UFD1: variants seen among roughly 807,000 people sequenced by gnomAD.
UFD1 encodes the protein ubiquitin recognition factor in ER associated degradation 1.
Under a neutral mutation model 45.9 loss-of-function variants are expected in UFD1, and 13 were observed. The observed-to-expected ratio is 0.28, with a 90% CI of 0.18 to 0.45. UFD1 has a LOEUF of 0.45. UFD1 is among the 20% of genes least tolerant of loss of function. The pLI, the probability that UFD1 is intolerant of heterozygous loss-of-function variation, is 1.00. For missense variants in UFD1, 218 were observed against 389.2 expected (o/e 0.56, Z 3.70); for synonymous variants, 128 against 139.2 (o/e 0.92, Z 0.56).
intron 5 of UFD1, 167 bp from the exon 6 acceptor site, chr22:19,465,441 C>T: frequency 3.4e-6 from 2 of 594,426 alleles, no homozygotes; most frequent in South Asian, 4.1e-5. Flanking sequence ...AAGGATGGAA[C>T]TCCTAATATG....
chr22:19,476,875 T>C (rs1280765733), intron 1 of UFD1, among the ~76,000 whole-genome samples: 1 of 151,382 alleles, frequency 6.6e-6, no homozygotes, highest in Non-Finnish European at 1.5e-5. Flanking sequence ...GGCGTGGTGG[T>C]ACACGCCTGT....
chr22:19,469,979 C>A (rs765065945), intron 4 of UFD1: 2 of 518,420 alleles, frequency 3.9e-6, no homozygotes, highest in South Asian at 2.8e-5. Context: ...CCCAGCATCA[C>A]CACCTCCTCT....
rs543122726 is a variant in UFD1 at position 19,454,362 on chromosome 22, A to AGGTGGGAGGTAACTGAGTC, written c.849+368_849+386dup. ...ATTACCACGTGTTGTGGGAGGGACC[A>AGGTGGGAGGTAACTGAGTC]GGTGGGAGGTAACTGAGTCGGTGGG... On this transcript the variant is annotated intron_variant, in intron 11 of 11. Coordinates refer to ENST00000263202, the MANE Select transcript of UFD1 (RefSeq NM_005659.7). 785 of 1,008,258 alleles carry AGGTGGGAGGTAACTGAGTC rather than the reference A, an allele frequency of 7.8e-4. 5 individuals carry two copies. The African/African-American group carries it at 0.013, about 16-fold the overall frequency. The allele number at this position is 1,008,258 out of a possible 1,614,324, so 62.5% of individuals were successfully genotyped here.
At position 19,450,368 on chromosome 22, in the gene UFD1, C is replaced by T; in HGVS notation, c.*302G>A. 3.1e-6 allele frequency: 1 copy of T among 327,824 alleles called. No homozygotes were observed. Among genetic ancestry groups the T allele is most frequent in the Non-Finnish European group, 5.7e-6 (1 of 175,300 alleles). The allele number at this position is 327,824 out of a possible 1,614,324, so 20.3% of individuals were successfully genotyped here. ...ATAGGTTTTGACAGAATTAGGGATG[C>T]AGAATTGCTCCTGCTGAGGCAGTGG... On this transcript the variant is annotated 3_prime_UTR_variant, in exon 12 of 12. Transcript: ENST00000263202.
chr22:19,462,382 T>A (rs2089774024), intron 6 of UFD1, among the ~76,000 whole-genome samples: 4 of 152,204 alleles, frequency 2.6e-5, no homozygotes, highest in Admixed American at 2.6e-4. Flanking sequence ...AGAGTAAGTC[T>A]AGGCCAGGCG....
intron 11 of UFD1, chr22:19,452,929 CAGTG>C (rs2089694359): frequency 4.3e-6 from 2 of 467,694 alleles, no homozygotes; most frequent in Non-Finnish European, 5.6e-6. Context: ...TGCTGGAACT[CAGTG>C]AGCCCTTCAA....
At chr22:19,451,701 C>T (rs1468519344) in intron 11 of UFD1, 3 of 985,348 alleles carry the variant, frequency 3.0e-6, no homozygotes, top group South Asian at 4.7e-5. Flanking sequence ...TATGTGGTCA[C>T]ATTCATGTAA....
chr22:19,450,705 C>T lies in UFD1; in HGVS notation c.889G>A (p.Gly297Arg). The T allele has an allele frequency of 6.2e-7, 1 of 1,614,186 alleles. No homozygotes were observed. Among genetic ancestry groups the T allele is most frequent in the Non-Finnish European group, 8.5e-7 (1 of 1,180,020 alleles). The change falls in exon 12 of 12, where the codon GGA becomes AGA. Residue 297 changes from glycine to arginine, a missense_variant. By Grantham distance (125) the Gly-to-Arg change is moderately radical. Transcript: ENST00000263202. ...CTTCCCTTTTTACGCAATGACTGTC[C>T]TTCTCCAGAGAAAGCGACGAATCTG... ...GGRFVAFSGE[G>R]QSLRKKGRKP
At chr22:19,466,025 G>C (rs769090235) in intron 5 of UFD1, 4 of 152,202 alleles carry the variant, frequency 2.6e-5, no homozygotes, top group Non-Finnish European at 4.4e-5. Context: ...TACATAAAAA[G>C]GTCACATGAA....
At chr22:19,454,339 T>G (rs763166373) in intron 11 of UFD1, 3 of 1,010,334 alleles carry the variant, frequency 3.0e-6, no homozygotes, top group Non-Finnish European at 3.5e-6. Context: ...CATCTTGAAT[T>G]ACCACGTGTT....
intron 4 of UFD1, among the ~76,000 whole-genome samples, chr22:19,469,241 G>A (rs1485732034): frequency 2.0e-5 from 3 of 152,190 alleles, no homozygotes; most frequent in African/African-American, 7.2e-5. Context: ...TTAGCCAGTC[G>A]CAGGCCAGGC....
chr22:19,470,414 G>C (rs2089835481), intron 4 of UFD1, among the ~76,000 whole-genome samples: 1 of 151,916 alleles, frequency 6.6e-6, no homozygotes. Flanking sequence ...CAGCAGGAAA[G>C]AGACCTTCAG....
chr22:19,462,851 T>A (rs920352419), intron 6 of UFD1, among the ~76,000 whole-genome samples: 3 of 152,232 alleles, frequency 2.0e-5, no homozygotes, highest in African/African-American at 2.4e-5. Context: ...TGCTTATTCC[T>A]AAAGTACATG....
At chr22:19,467,772 A>AT (rs1185917307) in intron 5 of UFD1, 101 bp downstream of exon 5, 5 of 1,521,404 alleles carry the variant, frequency 3.3e-6, no homozygotes, top group Non-Finnish European at 4.4e-6. Context: ...CAAATGTGTG[A>AT]TCCCCAAAGC....
intron 6 of UFD1, among the ~76,000 whole-genome samples, chr22:19,462,826 T>C (rs2089777295): frequency 6.6e-6 from 1 of 152,244 alleles, no homozygotes; most frequent in Non-Finnish European, 1.5e-5. Context: ...CCTTCTTGCT[T>C]TCCTTCTAGG....
At chr22:19,475,444 C>T in intron 2 of UFD1, 26 bp downstream of exon 2, 17 of 1,612,926 alleles carry the variant, frequency 1.1e-5, no homozygotes, top group East Asian at 4.5e-5. Context: ...GGAAAAGTTA[C>T]TATTCAAATA....
chr22:19,477,006 CAA>C (rs35775775), intron 1 of UFD1, among the ~76,000 whole-genome samples: 1 of 98,288 alleles, frequency 1.0e-5, no homozygotes, highest in African/African-American at 4.1e-5. Flanking sequence ...GACTCCATCT[CAA>C]AAAAAAAAAA....
intron 11 of UFD1, chr22:19,454,052 AC>A: frequency 1.0e-6 from 1 of 985,620 alleles, no homozygotes; most frequent in Non-Finnish European, 1.2e-6. Context: ...TCCCGCCACC[AC>A]CCTGCTCAGC....
chr22:19,460,045 T>C (rs1945185255), intron 6 of UFD1, among the ~76,000 whole-genome samples: 1 of 152,050 alleles, frequency 6.6e-6, no homozygotes. Context: ...CCAGTATGTC[T>C]TGCTTTTACA....
Sources: allele counts gnomAD v4.1 joint callset (sites outside exome capture counted in the v4.1 genomes callset), GRCh38; gene constraint gnomAD v4.1.1; transcripts MANE v1.5; gene names NCBI Gene and HGNC (gene_info 2026-07-23, HGNC 2026-07-21).